The following NR3C2 variants were observed in gnomAD, a reference collection of about 807,000 sequenced individuals.
NR3C2 encodes the protein nuclear receptor subfamily 3 group C member 2.
NR3C2 carries 15 observed loss-of-function variants against 86.4 expected under a neutral mutation model. The ratio of observed to expected loss-of-function variants is 0.17; its 90% CI spans 0.12 to 0.27. NR3C2 has a LOEUF of 0.27. NR3C2 is among the 10% of genes least tolerant of loss of function. The pLI is 1.00. For missense variants in NR3C2, 960 were observed against 1,195.6 expected, an observed-to-expected ratio of 0.80 and a Z score of 2.91; for synonymous variants, 458 against 450.5, an observed-to-expected ratio of 1.02 and a Z score of -0.21.
At chr4:148,122,957 G>A (rs563432781) in intron 6 of NR3C2, among the ~76,000 whole-genome samples, 23 of 152,302 alleles carry the variant, frequency 1.5e-4, no homozygotes, top group Admixed American at 3.3e-4. Flanking sequence ...CAAAAGGTCT[G>A]ACTGCCTGCG....
intron 3 of NR3C2, among the ~76,000 whole-genome samples, chr4:148,206,473 G>A (rs1737011411): frequency 6.6e-6 from 1 of 152,148 alleles, no homozygotes; most frequent in Admixed American, 6.5e-5. Context: ...TCAAAGCCGA[G>A]TAGATATTTT....
chr4:148,190,513 G>A (rs1053039892), intron 4 of NR3C2, among the ~76,000 whole-genome samples: 39 of 152,182 alleles, frequency 2.6e-4, no homozygotes, highest in African/African-American at 8.4e-4. Context: ...TTCTGCAGTT[G>A]CTGGATGAAA....
At chr4:148,086,870 A>G (rs1730838022) in intron 8 of NR3C2, among the ~76,000 whole-genome samples, 1 of 152,256 alleles carries the variant, frequency 6.6e-6, no homozygotes, top group African/African-American at 2.4e-5. Flanking sequence ...AACCGGCACA[A>G]TACAAGGATG....
intron 8 of NR3C2, among the ~76,000 whole-genome samples, chr4:148,113,039 C>T (rs569843607): frequency 2.6e-5 from 4 of 152,180 alleles, no homozygotes; most frequent in South Asian, 2.1e-4. Context: ...TCGTTTGAGC[C>T]GGAATTGGAG....
At chr4:148,225,639 GCTT>G (rs1408584644) in intron 3 of NR3C2, among the ~76,000 whole-genome samples, 15 of 152,048 alleles carry the variant, frequency 9.9e-5, no homozygotes, top group Non-Finnish European at 1.9e-4. Context: ...AATAATTAGA[GCTT>G]TTTTGAAAAG....
chr4:148,324,571 G>C (rs376523059), intron 2 of NR3C2, among the ~76,000 whole-genome samples: 26 of 152,180 alleles, frequency 1.7e-4, no homozygotes, highest in African/African-American at 4.8e-4. Context: ...CAAACTTTCA[G>C]TTATAAGATA....
At chr4:148,268,331 T>G (rs757209517) in intron 2 of NR3C2, among the ~76,000 whole-genome samples, 2 of 152,208 alleles carry the variant, frequency 1.3e-5, no homozygotes, top group Non-Finnish European at 2.9e-5. Flanking sequence ...ATATTTTCTT[T>G]TATGATATTA....
intron 2 of NR3C2, among the ~76,000 whole-genome samples, chr4:148,365,037 T>C (rs1746040697): frequency 6.6e-6 from 1 of 152,212 alleles, no homozygotes; most frequent in Non-Finnish European, 1.5e-5. Context: ...GCCACCCATG[T>C]GGACAATCTG....
At chr4:148,361,874 A>T (rs111971509) in intron 2 of NR3C2, among the ~76,000 whole-genome samples, 2 of 152,110 alleles carry the variant, frequency 1.3e-5, no homozygotes, top group Admixed American at 1.3e-4. Context: ...TTTCACTCCT[A>T]TCACCAAGGC....
At chr4:148,185,819 C>G (rs1057491980) in intron 4 of NR3C2, among the ~76,000 whole-genome samples, 1 of 151,952 alleles carries the variant, frequency 6.6e-6, no homozygotes, top group Non-Finnish European at 1.5e-5. Flanking sequence ...ATACAGAGTT[C>G]CCTTTATTTT....
At chr4:148,355,543 G>C (rs1034978164) in intron 2 of NR3C2, among the ~76,000 whole-genome samples, 3 of 152,048 alleles carry the variant, frequency 2.0e-5, no homozygotes, top group African/African-American at 7.2e-5. Context: ...AATTTCCCAG[G>C]CAGTGCCACC....
At chr4:148,314,973 T>C (rs1267797778) in intron 2 of NR3C2, among the ~76,000 whole-genome samples, 2 of 152,112 alleles carry the variant, frequency 1.3e-5, no homozygotes, top group African/African-American at 4.8e-5. Flanking sequence ...ATAAATGACA[T>C]GTATTTTTAA....
chr4:148,265,576 AAT>A (rs1325475495), intron 2 of NR3C2, among the ~76,000 whole-genome samples: 1 of 152,200 alleles, frequency 6.6e-6, no homozygotes, highest in Non-Finnish European at 1.5e-5. Context: ...TCATGTAAAA[AAT>A]AGTCGTATTT....
chr4:148,334,958 T>C (rs536643682), intron 2 of NR3C2, among the ~76,000 whole-genome samples: 1 of 152,334 alleles, frequency 6.6e-6, no homozygotes, highest in Non-Finnish European at 1.5e-5. Flanking sequence ...TCTGCCTTCA[T>C]CTTTACATGA....
At chr4:148,262,548 T>C (rs1300039567) in intron 2 of NR3C2, among the ~76,000 whole-genome samples, 1 of 152,186 alleles carries the variant, frequency 6.6e-6, no homozygotes, top group African/African-American at 2.4e-5. Context: ...TCTTCTCAGT[T>C]AACGGCAACT....
At chr4:148,321,897 A>C (rs939715159) in intron 2 of NR3C2, among the ~76,000 whole-genome samples, 21 of 152,120 alleles carry the variant, frequency 1.4e-4, no homozygotes, top group Admixed American at 5.9e-4. Flanking sequence ...TAATATTGTT[A>C]TGTGTGAATT....
intron 8 of NR3C2, among the ~76,000 whole-genome samples, chr4:148,092,839 G>C (rs1731119143): frequency 6.6e-6 from 1 of 152,134 alleles, no homozygotes; most frequent in Admixed American, 6.5e-5. Context: ...GAGTGGGGAG[G>C]GTGGTCATAG....
intron 4 of NR3C2, among the ~76,000 whole-genome samples, chr4:148,174,124 G>T (rs1578972366): frequency 6.6e-6 from 1 of 152,196 alleles, no homozygotes; most frequent in East Asian, 1.9e-4. Flanking sequence ...TAAGTCAAAT[G>T]ATTTGACAAA....
chr4:148,358,486 G>C lies in NR3C2; in HGVS notation c.1757+76618C>G, dbSNP rs866473170. 9.6e-3 allele frequency among the ~76,000 whole-genome samples: 1,242 copies of C among 129,622 alleles called. 21 individuals are homozygous for C. Among genetic ancestry groups the C allele is most frequent in the African/African-American group, 0.034 (1,179 of 34,828 alleles). 85.0% of individuals were successfully genotyped at this position (129,622 alleles called of 152,430 possible). ...GGGGCTGTGGTGGGGTGGGGGGAGG[G>C]GGGAGGGGTAGCATTGGGAGATATA... On this transcript the variant is annotated intron_variant, in intron 2 of 8. Transcript: ENST00000358102.
Sources: allele counts gnomAD v4.1 joint callset (sites outside exome capture counted in the v4.1 genomes callset), GRCh38; gene constraint gnomAD v4.1.1; transcripts MANE v1.5; gene names NCBI Gene and HGNC (gene_info 2026-07-23, HGNC 2026-07-21).